COPB2: variants seen among roughly 807,000 people sequenced by gnomAD.
The protein encoded by COPB2 is coat protein complex I subunit beta 2.
A neutral mutation model predicts 120.8 loss-of-function variants in COPB2; 16 were observed. The ratio of observed to expected loss-of-function variants is 0.13; its 90% CI spans 0.09 to 0.20. The LOEUF is 0.20. Ranked by LOEUF, COPB2 falls within the 10% of genes least tolerant of loss-of-function variation. The pLI, the probability that COPB2 is intolerant of heterozygous loss-of-function variation, is 1.00. For missense variants in COPB2, 794 were observed against 1,076.5 expected, an observed-to-expected ratio of 0.74 and a Z score of 3.67; for synonymous variants, 332 against 366.3, an observed-to-expected ratio of 0.91 and a Z score of 1.07.
intron 5 of COPB2, 54 bp from the exon 6 acceptor site, chr3:139,375,668 GC>G: frequency 6.4e-7 from 1 of 1,567,532 alleles, no homozygotes; most frequent in South Asian, 1.2e-5. Context: ...TTTACAAAAG[GC>G]AAATCCACCA....
chr3:139,365,315 T>A (rs1941494167), intron 15 of COPB2, among the ~76,000 whole-genome samples: 1 of 152,080 alleles, frequency 6.6e-6, no homozygotes. Flanking sequence ...GGAATAAAAA[T>A]GGCTTTAGAC....
chr3:139,360,514 T>C (rs1425828728), intron 17 of COPB2, among the ~76,000 whole-genome samples: 1 of 103,624 alleles, frequency 9.7e-6, no homozygotes, highest in Admixed American at 1.1e-4. Flanking sequence ...TGAGATTCCA[T>C]CTCAAAAAAA....
chr3:139,387,409 T>C (rs1941945093), intron 1 of COPB2, among the ~76,000 whole-genome samples: 1 of 152,218 alleles, frequency 6.6e-6, no homozygotes, highest in African/African-American at 2.4e-5. Context: ...TCACACTGTA[T>C]CCTCAACTTT....
At chr3:139,369,643 CA>C in intron 10 of COPB2, 99 bp from the exon 11 acceptor site, 1 of 717,740 alleles carries the variant, frequency 1.4e-6, no homozygotes. Context: ...AGTAATTATG[CA>C]AAAATATAAA....
At chr3:139,362,382 T>C (rs753817352) in intron 16 of COPB2, 25 bp downstream of exon 16, 8 of 1,526,892 alleles carry the variant, frequency 5.2e-6, no homozygotes, top group Admixed American at 1.7e-5. Flanking sequence ...CCATCAGTTA[T>C]GAAAAATCAT....
At position 139,379,039 on chromosome 3, in the gene COPB2, T is replaced by G; in HGVS notation, c.355+8A>C. 2 of 1,580,922 alleles carry G rather than the reference T, an allele frequency of 1.3e-6. No individual in the cohort carries two copies. The highest frequency in any genetic ancestry group is 1.7e-6 in the Non-Finnish European group (2 of 1,168,780). On this transcript the variant is annotated splice_region_variant and intron_variant, in intron 4 of 21. Coordinates refer to ENST00000333188, the MANE Select transcript of COPB2 (RefSeq NM_004766.3). The stretch of plus-strand genomic sequence containing the variant: ...AGACGCACATGACCAAAAAAGGTCA[T>G]CTCTTACCACTGCTAGTTAGAATGA...
intron 5 of COPB2, among the ~76,000 whole-genome samples, chr3:139,377,086 A>G (rs1941727663): frequency 6.6e-6 from 1 of 152,206 alleles, no homozygotes; most frequent in South Asian, 2.1e-4. Flanking sequence ...AAAAAGAAGC[A>G]TGATTGCCCT....
In COPB2 at chr3:139,361,176, G is replaced by A. The variant is rs772403942; in HGVS notation, c.2115C>T (p.Ala705=). ...DYGGLLLLAT[A]SGNANMVNKL... ...TGTTCACCATATTAGCATTTCCAGA[G>A]GCAGTGGCCAAAAGCAGCAGGCCCC... Residue 705 remains alanine, a synonymous_variant, in exon 17 of 22, where the codon GCC becomes GCT. Transcript: ENST00000333188. The A allele has an allele frequency of 1.2e-6, 2 of 1,614,178 alleles. No individual in the cohort carries two copies. Among genetic ancestry groups the A allele is most frequent in the Non-Finnish European group, 1.7e-6 (2 of 1,180,042 alleles).
At chr3:139,368,007 A>T in intron 13 of COPB2, 138 bp downstream of exon 13, 1 of 848,590 alleles carries the variant, frequency 1.2e-6, no homozygotes, top group Non-Finnish European at 1.6e-6. Flanking sequence ...TTAATTTTTC[A>T]CATTTCACCA....
chr3:139,357,862 G>GTCAA lies in COPB2; in HGVS notation c.2718_2721dup, dbSNP rs764934795. The GTCAA allele has an allele frequency of 1.4e-5, 21 of 1,527,500 alleles. No individual in the cohort carries two copies. The highest frequency in any genetic ancestry group is 1.4e-5 in the Non-Finnish European group (16 of 1,108,068). 94.6% of individuals were successfully genotyped at this position (1,527,500 alleles called of 1,614,324 possible). A position where few individuals can be genotyped will look rare whatever the true frequency, so the allele number is the denominator to read the frequency against. ...AGTCAGGTAAATGGAAAGCATTACAGTCAATCATCCAAAATATCTTCATCC... is the reference window on the plus strand; with the variant it reads ...AGTCAGGTAAATGGAAAGCATTACAGTCAATCAATCATCCAAAATATCTTCATCC... On this transcript the variant is annotated 3_prime_UTR_variant, in exon 22 of 22. Transcript: ENST00000333188.
intron 17 of COPB2, 22 bp downstream of exon 17, chr3:139,361,059 A>T: frequency 6.2e-7 from 1 of 1,610,786 alleles, no homozygotes; most frequent in African/African-American, 1.3e-5. Flanking sequence ...AGAATTAATT[A>T]ATCTTTTAAA....
intron 4 of COPB2, among the ~76,000 whole-genome samples, chr3:139,378,556 C>G (rs1424392669): frequency 6.6e-6 from 1 of 152,166 alleles, no homozygotes; most frequent in East Asian, 1.9e-4. Context: ...TTTGCCCTCA[C>G]AAGATTGGTT....
rs907792666 is a variant in COPB2, at chr3:139,375,368, A to T, written c.651+100T>A. ...GCAAATACTGATACCTTAAGTTATT[A>T]TGCTGTGAACAGTTTTCAACAACCC... On this transcript the variant is annotated intron_variant, in intron 6 of 21. Coordinates refer to ENST00000333188, the MANE Select transcript of COPB2 (RefSeq NM_004766.3). The T allele has an allele frequency of 2.5e-6, 3 of 1,186,058 alleles. No individual in the cohort carries two copies. The East Asian group carries it at 7.6e-5, about 30-fold the overall frequency. 73.5% of individuals were successfully genotyped at this position (1,186,058 alleles called of 1,614,324 possible).
chr3:139,386,924 C>G (rs922478610), intron 1 of COPB2, among the ~76,000 whole-genome samples: 1 of 151,616 alleles, frequency 6.6e-6, no homozygotes, highest in Non-Finnish European at 1.5e-5. Flanking sequence ...GGCAGCCAGG[C>G]GTGGTGACTC....
At position 139,357,823 on chromosome 3, in the gene COPB2, A is replaced by G. The variant is rs1393607191; in HGVS notation, c.*40T>C. On this transcript the variant is annotated 3_prime_UTR_variant, in exon 22 of 22. Transcript: ENST00000333188. The stretch of plus-strand genomic sequence containing the variant: ...GGGTAGCAATCAATACCTATATATA[A>G]TAATGATCTGTTTAGTCAGGTAAAT... The G allele has an allele frequency of 9.0e-7, 1 of 1,115,856 alleles. No individual in the cohort carries two copies. The highest frequency in any genetic ancestry group is 1.3e-6 in the Non-Finnish European group (1 of 760,606). 69.1% of individuals were successfully genotyped at this position (1,115,856 alleles called of 1,614,324 possible).
chr3:139,374,651 A>C, intron 6 of COPB2, 63 bp from the exon 7 acceptor site: 1 of 1,330,322 alleles, frequency 7.5e-7, no homozygotes, highest in Non-Finnish European at 1.1e-6. Flanking sequence ...CCCGCCCTTA[A>C]TTTTCTCAGT....
chr3:139,378,310 G>T, intron 4 of COPB2, 121 bp from the exon 5 acceptor site: 1 of 927,218 alleles, frequency 1.1e-6, no homozygotes, highest in Non-Finnish European at 1.5e-6. Context: ...TACAGAAATA[G>T]AATCAAAACC....
At chr3:139,385,326 C>G (rs567351552) in intron 1 of COPB2, 3 of 152,356 alleles carry the variant, frequency 2.0e-5, no homozygotes, top group African/African-American at 7.2e-5. Flanking sequence ...CGTGAACCCC[C>G]GCACCCGGCC....
rs192337633 is a variant in COPB2 at position 139,379,648 on chromosome 3, G to A, written c.142-182C>T. On this transcript the variant is annotated intron_variant, in intron 2 of 21. Transcript: ENST00000333188. ...AGACCAACTATCTTTTAATAGATTC[G>A]AAATTAAAACACTTTTTAAAAGATA... 457 of 555,058 alleles carry A rather than the reference G, an allele frequency of 8.2e-4. 2 individuals carry two copies. The highest frequency in any genetic ancestry group is 8.1e-3 in the African/African-American group (416 of 51,574). The allele number at this position is 555,058 out of a possible 1,614,324, so 34.4% of individuals were successfully genotyped here.
Sources: allele counts gnomAD v4.1 joint callset (sites outside exome capture counted in the v4.1 genomes callset), GRCh38; gene constraint gnomAD v4.1.1; transcripts MANE v1.5; gene names NCBI Gene and HGNC (gene_info 2026-07-23, HGNC 2026-07-21).